BMPR1B: variants seen among roughly 807,000 people sequenced by gnomAD.
BMPR1B encodes the protein bone morphogenetic protein receptor type 1B.
Under a neutral mutation model 59.1 loss-of-function variants are expected in BMPR1B, and 12 were observed. The observed-to-expected ratio is 0.20, with a 90% CI of 0.13 to 0.33. The LOEUF (loss-of-function observed/expected upper bound fraction) is 0.33. Among genes scored for constraint, BMPR1B ranks in the 10% least tolerant of loss-of-function variants. The pLI is 1.00. For synonymous variants in BMPR1B, 237 were observed against 207.3 expected, an observed-to-expected ratio of 1.14 and a Z score of -1.23; for missense variants, 550 against 610.9, an observed-to-expected ratio of 0.90 and a Z score of 1.05.
rs369356652 is a variant in BMPR1B, at chr4:94,766,582, TA to T, written c.-183+8515del. Among the ~76,000 whole-genome samples the T allele has an allele frequency of 1.3e-4, 20 of 152,154 alleles. No individual in the cohort carries two copies. In the South Asian group the frequency reaches 1.9e-3, roughly 14 times the overall value. On this transcript the variant is annotated intron_variant, in intron 1 of 12. Coordinates refer to ENST00000515059, the MANE Select transcript of BMPR1B (RefSeq NM_001203.3). ...TGTTTTCTAAAAAGTTACTTATTGTTATTTTTTTAATTGTAAAGAATGTTCA... is the reference window on the plus strand; with the variant it reads ...TGTTTTCTAAAAAGTTACTTATTGTTTTTTTTTAATTGTAAAGAATGTTCA...
Position 95,131,152 on chromosome 4 carries a change from A to G in BMPR1B, c.779-63A>G, listed in dbSNP as rs74764019. 32,790 of 1,479,292 alleles carry G rather than the reference A, an allele frequency of 0.022. 601 individuals are homozygous for G. Among genetic ancestry groups the G allele is most frequent in the African/African-American group, 0.08 (5,745 of 71,906 alleles). The allele number at this position is 1,479,292 out of a possible 1,614,324, so 91.6% of individuals were successfully genotyped here. ...TCTATGACAAAGAATGATGTTTGAGAATATGAATTATTCCTGATACTATTT... is the reference window on the plus strand; with the variant it reads ...TCTATGACAAAGAATGATGTTTGAGGATATGAATTATTCCTGATACTATTT... On this transcript the variant is annotated intron_variant, in intron 9 of 12. Coordinates refer to ENST00000515059, the MANE Select transcript of BMPR1B (RefSeq NM_001203.3).
intron 1 of BMPR1B, among the ~76,000 whole-genome samples, chr4:94,851,109 A>G (rs947095417): frequency 7.9e-5 from 12 of 152,182 alleles, no homozygotes; most frequent in Admixed American, 5.9e-4. Context: ...GAAAGGGGAA[A>G]ATGCTTATAA....
intron 1 of BMPR1B, among the ~76,000 whole-genome samples, chr4:94,770,638 G>A (rs1228061494): frequency 6.6e-6 from 1 of 151,866 alleles, no homozygotes; most frequent in Non-Finnish European, 1.5e-5. Flanking sequence ...TACATCATTT[G>A]TAAAAATGTT....
At chr4:95,067,463 G>A (rs1836260) in intron 3 of BMPR1B, among the ~76,000 whole-genome samples, 35,359 of 152,064 alleles carry the variant, frequency 0.23, 4,366 homozygotes, top group East Asian at 0.43. Context: ...AAGTTTACCC[G>A]ACAGAAACCT....
At chr4:94,774,874 CT>C (rs903312601) in intron 1 of BMPR1B, among the ~76,000 whole-genome samples, 1 of 152,040 alleles carries the variant, frequency 6.6e-6, no homozygotes, top group African/African-American at 2.4e-5. Flanking sequence ...GATTAACTGA[CT>C]TTCTTTTGTA....
chr4:94,834,307 G>T (rs1460052663), intron 1 of BMPR1B, among the ~76,000 whole-genome samples: 2 of 151,904 alleles, frequency 1.3e-5, no homozygotes, highest in African/African-American at 2.4e-5. Context: ...GTTGTTTGAG[G>T]GTACAGATCA....
chr4:94,966,743 T>A (rs1319763062), intron 2 of BMPR1B, among the ~76,000 whole-genome samples: 3 of 151,756 alleles, frequency 2.0e-5, no homozygotes, highest in Non-Finnish European at 4.4e-5. Context: ...ATGCCTGAAA[T>A]TTTTTTTTCA....
intron 3 of BMPR1B, among the ~76,000 whole-genome samples, chr4:95,041,388 A>C (rs1052346926): frequency 6.6e-6 from 1 of 152,086 alleles, no homozygotes; most frequent in African/African-American, 2.4e-5. Context: ...CACGCTTTAG[A>C]GGAGAGTTCC....
intron 3 of BMPR1B, among the ~76,000 whole-genome samples, chr4:95,071,721 T>C (rs891758234): frequency 6.7e-6 from 1 of 148,236 alleles, no homozygotes; most frequent in Admixed American, 6.9e-5. Flanking sequence ...AGTTCTTGCT[T>C]TCTTGAATGG....
At chr4:95,034,553 TTTCAC>T (rs1310918967) in intron 3 of BMPR1B, among the ~76,000 whole-genome samples, 1 of 152,106 alleles carries the variant, frequency 6.6e-6, no homozygotes, top group Admixed American at 6.6e-5. Flanking sequence ...TCCTGAATTA[TTTCAC>T]TTAGAATAAC....
At chr4:94,818,715 A>G (rs568423927) in intron 1 of BMPR1B, among the ~76,000 whole-genome samples, 2 of 152,304 alleles carry the variant, frequency 1.3e-5, no homozygotes, top group South Asian at 4.1e-4. Context: ...ATTACTTATA[A>G]TTGTGCATGA....
chr4:95,055,150 T>C (rs1438234562), intron 3 of BMPR1B, among the ~76,000 whole-genome samples: 1 of 152,114 alleles, frequency 6.6e-6, no homozygotes, highest in Non-Finnish European at 1.5e-5. Flanking sequence ...GTCTCCATGG[T>C]CTGTACAGTT....
intron 2 of BMPR1B, among the ~76,000 whole-genome samples, chr4:94,895,707 T>G (rs1727559233): frequency 6.6e-6 from 1 of 151,816 alleles, no homozygotes; most frequent in Admixed American, 6.6e-5. Flanking sequence ...TAGCATATAA[T>G]TATTAAACAA....
At chr4:95,118,665 GGGCTCTGCTCTT>G (rs2149283502) in intron 6 of BMPR1B, among the ~76,000 whole-genome samples, 1 of 152,260 alleles carries the variant, frequency 6.6e-6, no homozygotes, top group South Asian at 2.1e-4. Context: ...TGAAAGCTGT[GGGCTCTGCTCTT>G]TTCCTGATAG....
At chr4:94,817,241 A>T (rs1005121222) in intron 1 of BMPR1B, among the ~76,000 whole-genome samples, 1 of 152,224 alleles carries the variant, frequency 6.6e-6, no homozygotes, top group African/African-American at 2.4e-5. Context: ...GTATTTTGTT[A>T]TAGCAGCATA....
chr4:94,841,564 GGAACTCGCT>G (rs1403810508), intron 1 of BMPR1B, among the ~76,000 whole-genome samples: 1 of 150,424 alleles, frequency 6.6e-6, no homozygotes, highest in East Asian at 1.9e-4. Context: ...ACTAGGAAAG[GGAACTCGCT>G]GACCCCTTGC....
chr4:94,812,093 A>T (rs1723839314), intron 1 of BMPR1B, among the ~76,000 whole-genome samples: 1 of 152,172 alleles, frequency 6.6e-6, no homozygotes. Context: ...TTGCCAGAGG[A>T]CATTGTTTTA....
At chr4:95,036,169 G>A (rs1725228636) in intron 3 of BMPR1B, among the ~76,000 whole-genome samples, 2 of 152,056 alleles carry the variant, frequency 1.3e-5, no homozygotes, top group Admixed American at 6.6e-5. Flanking sequence ...GACATACAAT[G>A]TGTAATAATC....
intron 4 of BMPR1B, among the ~76,000 whole-genome samples, chr4:95,108,343 A>C (rs1731340674): frequency 6.6e-6 from 1 of 152,122 alleles, no homozygotes; most frequent in Non-Finnish European, 1.5e-5. Flanking sequence ...TGTGTACCTT[A>C]GAAAAGGGCT....
Sources: allele counts gnomAD v4.1 joint callset (sites outside exome capture counted in the v4.1 genomes callset), GRCh38; gene constraint gnomAD v4.1.1; transcripts MANE v1.5; gene names NCBI Gene and HGNC (gene_info 2026-07-23, HGNC 2026-07-21).